The following CAMKMT variants were observed in gnomAD, a reference collection of about 807,000 sequenced individuals.
CAMKMT encodes the protein CaM KMT.
In CAMKMT, 53 loss-of-function variants were observed where a neutral mutation model predicts 48.0. That is an observed-to-expected ratio of 1.10 (90% CI 0.89 to 1.39). CAMKMT has a LOEUF of 1.39. Ranked by LOEUF, CAMKMT falls within the 40% of genes most tolerant of loss-of-function variation. CAMKMT has a pLI of 0.00. For missense variants in CAMKMT, 428 were observed against 402.7 expected (o/e 1.06, Z -0.54); for synonymous variants, 165 against 152.3 (o/e 1.08, Z -0.61).
At chr2:44,655,274 A>C (rs1250454051) in intron 3 of CAMKMT, among the ~76,000 whole-genome samples, 1 of 152,176 alleles carries the variant, frequency 6.6e-6, no homozygotes, top group African/African-American at 2.4e-5. Context: ...TAAGCTCCCA[A>C]ATGCATTGTT....
chr2:44,488,069 T>C (rs767689230), intron 3 of CAMKMT, among the ~76,000 whole-genome samples: 3 of 152,228 alleles, frequency 2.0e-5, no homozygotes, highest in Admixed American at 6.5e-5. Context: ...TGAGATATAG[T>C]TTAGACTTAT....
At chr2:44,541,233 T>A (rs972698241) in intron 3 of CAMKMT, among the ~76,000 whole-genome samples, 1 of 152,168 alleles carries the variant, frequency 6.6e-6, no homozygotes, top group African/African-American at 2.4e-5. Flanking sequence ...AGTTCCATTT[T>A]AAAAAAAGTG....
At chr2:44,726,248 A>C (rs1036466357) in intron 7 of CAMKMT, among the ~76,000 whole-genome samples, 1 of 152,194 alleles carries the variant, frequency 6.6e-6, no homozygotes, top group Admixed American at 6.5e-5. Flanking sequence ...TCCTATCAAC[A>C]GTGTGTAAGC....
At chr2:44,723,680 A>G (rs537237735) in intron 7 of CAMKMT, 1 of 152,118 alleles carries the variant, frequency 6.6e-6, no homozygotes, top group Admixed American at 6.5e-5. Context: ...TCAGATTTCC[A>G]TTCATTGAAG....
At chr2:44,611,344 A>G (rs4953119) in intron 3 of CAMKMT, among the ~76,000 whole-genome samples, 84,791 of 151,662 alleles carry the variant, frequency 0.56, 25,359 homozygotes, top group Admixed American at 0.67. Context: ...GAGGCAGGAG[A>G]ATCACTTGAA....
At chr2:44,716,245 C>A (rs1678169641) in intron 7 of CAMKMT, among the ~76,000 whole-genome samples, 1 of 152,102 alleles carries the variant, frequency 6.6e-6, no homozygotes, top group Non-Finnish European at 1.5e-5. Flanking sequence ...CCCACCCCAA[C>A]TTCCCAGTTT....
chr2:44,757,566 C>CTTT lies in CAMKMT; in HGVS notation c.762+3461_762+3463dup, dbSNP rs1274573947. Reference sequence around the variant, plus strand: ...CTTTGGTAAATACAGACTATGGGGGCTTTTTTTTTTTTTTTGAGATGGAGT... The same window carrying CTTT: ...CTTTGGTAAATACAGACTATGGGGGCTTTTTTTTTTTTTTTTTTGAGATGGAGT... On this transcript the variant is annotated intron_variant, in intron 9 of 10. Coordinates refer to ENST00000378494, the MANE Select transcript of CAMKMT (RefSeq NM_024766.5). Among the ~76,000 whole-genome samples the CTTT allele has an allele frequency of 4.2e-3, 564 of 134,382 alleles. 7 individuals are homozygous for CTTT. Among genetic ancestry groups the CTTT allele is most frequent in the African/African-American group, 0.014 (519 of 36,830 alleles). 88.2% of individuals were successfully genotyped at this position (134,382 alleles called of 152,430 possible).
At chr2:44,545,615 A>G (rs1466356182) in intron 3 of CAMKMT, among the ~76,000 whole-genome samples, 2 of 149,556 alleles carry the variant, frequency 1.3e-5, no homozygotes, top group African/African-American at 2.5e-5. Flanking sequence ...TGACTTGTCT[A>G]TGGTCACAAG....
rs151287752 is a variant in CAMKMT at position 44,426,742 on chromosome 2, T to C, written c.376+36437T>C. ...AGAATCGATATCATTAAAATGCCCATACTGCCCAAAGCAATTTACAGATTC... is the reference window on the plus strand; with the variant it reads ...AGAATCGATATCATTAAAATGCCCACACTGCCCAAAGCAATTTACAGATTC... On this transcript the variant is annotated intron_variant, in intron 3 of 10. Coordinates refer to ENST00000378494, the MANE Select transcript of CAMKMT (RefSeq NM_024766.5). Among the ~76,000 whole-genome samples the C allele has an allele frequency of 4.0e-3, 610 of 152,288 alleles. 2 individuals carry two copies. Among genetic ancestry groups the C allele is most frequent in the Middle Eastern group, 0.01 (3 of 294 alleles).
At chr2:44,367,048 A>C (rs1397720548) in intron 1 of CAMKMT, among the ~76,000 whole-genome samples, 1 of 152,102 alleles carries the variant, frequency 6.6e-6, no homozygotes. Flanking sequence ...TAAAAACGGG[A>C]AACACTATAG....
In CAMKMT at chr2:44,362,785, A is replaced by C. The variant is rs1023386132; in HGVS notation, c.138+640A>C. Among the ~76,000 whole-genome samples the C allele has an allele frequency of 2.0e-5, 3 of 152,174 alleles. No homozygotes were observed. In the East Asian group the frequency reaches 5.8e-4, roughly 29 times the overall value. ...GCTAGTCAAAGTGTGTTCGTTTTTG[A>C]ATGATGGTATCTTCTGGTACTTCAA... On this transcript the variant is annotated intron_variant, in intron 1 of 10. Coordinates refer to ENST00000378494, the MANE Select transcript of CAMKMT (RefSeq NM_024766.5).
At chr2:44,486,317 A>G (rs1297930433) in intron 3 of CAMKMT, among the ~76,000 whole-genome samples, 1 of 152,084 alleles carries the variant, frequency 6.6e-6, no homozygotes, top group Non-Finnish European at 1.5e-5. Context: ...TTATTTTTTT[A>G]CTTTTCTGTA....
intron 3 of CAMKMT, among the ~76,000 whole-genome samples, chr2:44,523,260 T>A (rs563481628): frequency 6.6e-6 from 1 of 151,924 alleles, no homozygotes; most frequent in African/African-American, 2.4e-5. Context: ...CTACATGATG[T>A]CTTGGGCTTC....
intron 3 of CAMKMT, among the ~76,000 whole-genome samples, chr2:44,494,756 T>G (rs1452632209): frequency 1.3e-5 from 2 of 152,200 alleles, no homozygotes; most frequent in Non-Finnish European, 2.9e-5. Context: ...AGATAAGGTT[T>G]AGATAGAATT....
intron 3 of CAMKMT, among the ~76,000 whole-genome samples, chr2:44,397,979 TC>T (rs1682012326): frequency 6.6e-6 from 1 of 152,224 alleles, no homozygotes; most frequent in Admixed American, 6.5e-5. Context: ...TTTAGGTACT[TC>T]CAAGTTTTAG....
chr2:44,743,989 T>G (rs891103577), intron 8 of CAMKMT, among the ~76,000 whole-genome samples: 1 of 152,160 alleles, frequency 6.6e-6, no homozygotes, highest in African/African-American at 2.4e-5. Context: ...TTAGGCAAAT[T>G]GCAAATAATT....
intron 3 of CAMKMT, among the ~76,000 whole-genome samples, chr2:44,632,791 C>T (rs779418809): frequency 6.6e-6 from 1 of 152,158 alleles, no homozygotes; most frequent in Non-Finnish European, 1.5e-5. Flanking sequence ...GAAAAACATA[C>T]AAAGACTAGA....
intron 3 of CAMKMT, among the ~76,000 whole-genome samples, chr2:44,629,470 C>T (rs1172376752): frequency 7.2e-6 from 1 of 138,432 alleles, no homozygotes; most frequent in Non-Finnish European, 1.5e-5. Flanking sequence ...GGGTCTCACT[C>T]TGTCACCCAG....
At chr2:44,393,458 T>G (rs1681540938) in intron 3 of CAMKMT, 1 of 152,212 alleles carries the variant, frequency 6.6e-6, no homozygotes, top group African/African-American at 2.4e-5. Context: ...CCAACCTTCT[T>G]TTTATATATT....
Sources: gnomAD v4.1 joint callset for allele counts (sites outside exome capture counted in the v4.1 genomes callset) on GRCh38, gnomAD v4.1.1 for gene constraint, MANE v1.5 for transcripts, NCBI Gene and HGNC (gene_info 2026-07-23, HGNC 2026-07-21) for gene names.